The following ESR1 variants were observed in gnomAD, a reference collection of about 807,000 sequenced individuals.
ESR1 encodes the protein estrogen receptor.
ESR1 carries 12 observed loss-of-function variants against 52.7 expected under a neutral mutation model. The observed-to-expected ratio is 0.23, with a 90% confidence interval of 0.15 to 0.37. ESR1 has a LOEUF of 0.37. Among genes scored for constraint, ESR1 ranks in the 10% least tolerant of loss-of-function variants. The probability of loss-of-function intolerance (pLI) is 1.00; values close to 1 mark genes in which losing one functional copy is unlikely to be tolerated. For missense variants in ESR1, 584 were observed against 779.7 expected (o/e 0.75, Z 2.99); for synonymous variants, 305 against 316.8 (o/e 0.96, Z 0.39).
intron 4 of ESR1, among the ~76,000 whole-genome samples, chr6:151,947,871 T>G (rs1401892261): frequency 6.6e-6 from 1 of 152,218 alleles, no homozygotes; most frequent in Non-Finnish European, 1.5e-5. Context: ...AAAAGATGTT[T>G]TTTTTATAAC....
chr6:151,989,733 T>A (rs1051477300), intron 4 of ESR1, among the ~76,000 whole-genome samples: 34 of 152,288 alleles, frequency 2.2e-4, no homozygotes, highest in Non-Finnish European at 4.4e-5. Context: ...GATTATTCTG[T>A]GCATTTTCCC....
chr6:151,812,425 C>G (rs769497840), intron 1 of ESR1, among the ~76,000 whole-genome samples: 2 of 152,154 alleles, frequency 1.3e-5, no homozygotes, highest in Non-Finnish European at 2.9e-5. Context: ...TTATCACCAT[C>G]TGCAACATTT....
At chr6:151,773,503 G>C (rs1785688438) in intron 2 of ESR1, among the ~76,000 whole-genome samples, 1 of 152,224 alleles carries the variant, frequency 6.6e-6, no homozygotes, top group Non-Finnish European at 1.5e-5. Flanking sequence ...TCTATAGAAA[G>C]CTGAAAGCCT....
intron 2 of ESR1, among the ~76,000 whole-genome samples, chr6:151,781,817 T>A (rs1251718345): frequency 2.0e-5 from 3 of 151,640 alleles, no homozygotes; most frequent in Non-Finnish European, 4.4e-5. Flanking sequence ...AAAAAAAAAC[T>A]ACTTTCAGCA....
intron 1 of ESR1, among the ~76,000 whole-genome samples, chr6:151,677,979 A>T (rs1778310669): frequency 6.6e-6 from 1 of 152,204 alleles, no homozygotes; most frequent in Non-Finnish European, 1.5e-5. Flanking sequence ...AATAAAACGT[A>T]ATGAAAGAAG....
intron 2 of ESR1, among the ~76,000 whole-genome samples, chr6:151,867,127 A>G (rs966398338): frequency 6.6e-6 from 1 of 152,212 alleles, no homozygotes; most frequent in Non-Finnish European, 1.5e-5. Flanking sequence ...AGATGGATTA[A>G]AGACTTAAAT....
At chr6:151,733,656 C>T (rs554173749) in intron 2 of ESR1, among the ~76,000 whole-genome samples, 46 of 152,206 alleles carry the variant, frequency 3.0e-4, no homozygotes, top group African/African-American at 9.6e-4. Context: ...TGGGAATTTG[C>T]GACCCTGCCA....
chr6:151,735,123 T>C (rs572553433), intron 2 of ESR1, among the ~76,000 whole-genome samples: 2 of 152,324 alleles, frequency 1.3e-5, no homozygotes, highest in African/African-American at 4.8e-5. Context: ...GCTGTGTTAT[T>C]GTGGGGATGG....
chr6:152,090,573 A>G (rs2050099366), intron 6 of ESR1, among the ~76,000 whole-genome samples: 1 of 152,274 alleles, frequency 6.6e-6, no homozygotes, highest in Non-Finnish European at 1.5e-5. Flanking sequence ...CCTTCTGGGC[A>G]CAGCCACACT....
intron 5 of ESR1, among the ~76,000 whole-genome samples, chr6:152,019,343 G>T (rs961093404): frequency 6.6e-6 from 1 of 152,124 alleles, no homozygotes; most frequent in Non-Finnish European, 1.5e-5. Flanking sequence ...ATTATCAGTC[G>T]TCAAAGTGCT....
At chr6:151,853,325 A>G (rs907378658) in intron 2 of ESR1, among the ~76,000 whole-genome samples, 1 of 152,158 alleles carries the variant, frequency 6.6e-6, no homozygotes, top group African/African-American at 2.4e-5. Context: ...ACACACCATG[A>G]AAGTCAAGGC....
intron 5 of ESR1, among the ~76,000 whole-genome samples, chr6:152,047,389 T>G (rs1027498029): frequency 1.4e-4 from 21 of 152,066 alleles, no homozygotes; most frequent in African/African-American, 5.1e-4. Flanking sequence ...CAACACTGTA[T>G]TGGAAAAGTG....
At chr6:151,894,786 A>G (rs1332960961) in intron 3 of ESR1, among the ~76,000 whole-genome samples, 1 of 152,066 alleles carries the variant, frequency 6.6e-6, no homozygotes, top group East Asian at 1.9e-4. Context: ...TTCGGTGACT[A>G]TGGCCTTATA....
At position 151,842,765 on chromosome 6, in the gene ESR1, C is replaced by T; in HGVS notation, c.621C>T (p.Ala207=). The change falls in exon 2 of 8, where the codon GCC becomes GCT. Residue 207 remains alanine, a synonymous_variant. Coordinates refer to ENST00000206249, the MANE Select transcript of ESR1 (RefSeq NM_000125.4). ...TCTGGTCCTGTGAGGGCTGCAAGGC[C>T]TTCTTCAAGAGAAGTATTCAAGGTA... ...YGVWSCEGCK[A]FFKRSIQGHN... 2 of 1,613,838 alleles carry T rather than the reference C, an allele frequency of 1.2e-6. No homozygotes were observed. Among genetic ancestry groups the T allele is most frequent in the Non-Finnish European group, 1.7e-6 (2 of 1,179,804 alleles).
At chr6:151,736,686 T>C (rs2128050112) in intron 2 of ESR1, among the ~76,000 whole-genome samples, 1 of 152,184 alleles carries the variant, frequency 6.6e-6, no homozygotes, top group East Asian at 1.9e-4. Flanking sequence ...GCCCAGGTAG[T>C]GTTCTAAGGG....
intron 3 of ESR1, among the ~76,000 whole-genome samples, chr6:151,919,719 G>A (rs1001006143): frequency 2.0e-4 from 30 of 152,210 alleles, no homozygotes; most frequent in African/African-American, 7.2e-4. Context: ...AAAACAGTGG[G>A]TGTTGTGAAA....
At chr6:152,118,393 G>A (rs1247139217) in intron 6 of ESR1, 1 of 152,154 alleles carries the variant, frequency 6.6e-6, no homozygotes, top group Admixed American at 6.5e-5. Context: ...AGAAAATGTG[G>A]CATGAATACA....
chr6:151,894,611 G>A (rs1024284404), intron 3 of ESR1, among the ~76,000 whole-genome samples: 4 of 151,998 alleles, frequency 2.6e-5, no homozygotes, highest in Non-Finnish European at 5.9e-5. Flanking sequence ...ATGTGGTTTG[G>A]CAATTATCCC....
At chr6:152,038,038 C>G (rs918389782) in intron 5 of ESR1, among the ~76,000 whole-genome samples, 1 of 152,162 alleles carries the variant, frequency 6.6e-6, no homozygotes, top group Admixed American at 6.5e-5. Flanking sequence ...GGAAGCCAGT[C>G]TGAGTCCCAA....
Sources: gnomAD v4.1 joint callset for allele counts (sites outside exome capture counted in the v4.1 genomes callset) on GRCh38, gnomAD v4.1.1 for gene constraint, MANE v1.5 for transcripts, NCBI Gene and HGNC (gene_info 2026-07-23, HGNC 2026-07-21) for gene names.